TMEM196: variants seen among roughly 807,000 people sequenced by gnomAD.
TMEM196 encodes the protein transmembrane protein 196.
A neutral mutation model predicts 20.0 loss-of-function variants in TMEM196; 17 were observed. That is an observed-to-expected ratio of 0.85 (90% confidence interval 0.58 to 1.27). TMEM196 has a LOEUF of 1.27. Ranked by LOEUF, TMEM196 falls within the 50% of genes most tolerant of loss-of-function variation. TMEM196 has a pLI of 0.00. For synonymous variants in TMEM196, 113 were observed against 88.9 expected, an observed-to-expected ratio of 1.27 and a Z score of -1.52; for missense variants, 267 against 223.0, an observed-to-expected ratio of 1.20 and a Z score of -1.26.
chr7:19,725,909 G>T, intron 2 of TMEM196, 141 bp from the exon 3 acceptor site: 1 of 1,009,226 alleles, frequency 9.9e-7, no homozygotes. Context: ...CAGAGGACAG[G>T]AGATTTTTTT....
chr7:19,748,263 CAA>C (rs57276805), intron 1 of TMEM196, among the ~76,000 whole-genome samples: 794 of 20,372 alleles, frequency 0.039, 1 homozygote, highest in South Asian at 0.075. Flanking sequence ...TGTGGCTGTC[CAA>C]AAAAAAAAAA....
intron 1 of TMEM196, among the ~76,000 whole-genome samples, chr7:19,750,398 GA>G (rs1186457934): frequency 1.3e-5 from 2 of 151,902 alleles, no homozygotes; most frequent in Non-Finnish European, 2.9e-5. Context: ...GAATAAATTG[GA>G]AGACCTTTTT....
chr7:19,743,019 A>G (rs1345347392), intron 1 of TMEM196, among the ~76,000 whole-genome samples: 1 of 152,114 alleles, frequency 6.6e-6, no homozygotes, highest in Non-Finnish European at 1.5e-5. Flanking sequence ...TCCATTAGCT[A>G]TGGGGAGAGG....
chr7:19,722,315 C>A (rs1783841210), intron 4 of TMEM196, among the ~76,000 whole-genome samples, 181 bp from the exon 5 acceptor site: 1 of 152,088 alleles, frequency 6.6e-6, no homozygotes. Context: ...GGAGCACATG[C>A]AAATGCCAAA....
chr7:19,762,633 C>T (rs185852567), intron 1 of TMEM196, among the ~76,000 whole-genome samples: 76 of 152,102 alleles, frequency 5.0e-4, no homozygotes, highest in African/African-American at 1.8e-3. Context: ...TTGGCTATAG[C>T]TTAGGACAAC....
At chr7:19,749,706 C>T (rs1049870437) in intron 1 of TMEM196, among the ~76,000 whole-genome samples, 1 of 152,158 alleles carries the variant, frequency 6.6e-6, no homozygotes, top group East Asian at 1.9e-4. Context: ...ACAACTTCTC[C>T]AGATTTTTCT....
At chr7:19,768,350 A>G (rs1416875120) in intron 1 of TMEM196, among the ~76,000 whole-genome samples, 2 of 152,112 alleles carry the variant, frequency 1.3e-5, no homozygotes, top group African/African-American at 4.8e-5. Flanking sequence ...ACAACTTAGC[A>G]TCATATTTTG....
rs553043578 is a variant in TMEM196, at chr7:19,724,733, T to C, written c.460-380A>G. Reference sequence around the variant, plus strand: ...TCACTTCTCCTCTGTGCTTATGCAATTTTATTTCCATGATATGAAGCAAAA... The same window carrying C: ...TCACTTCTCCTCTGTGCTTATGCAACTTTATTTCCATGATATGAAGCAAAA... On this transcript the variant is annotated intron_variant, in intron 3 of 4. Coordinates refer to ENST00000405844, the MANE Select transcript of TMEM196 (RefSeq NM_001363562.2). Among the ~76,000 whole-genome samples the C allele has an allele frequency of 1.9e-4, 28 of 145,644 alleles. 1 individual carries two copies. The highest frequency in any genetic ancestry group is 1.8e-3 in the Admixed American group (26 of 14,634).
chr7:19,741,261 C>G (rs975737221), intron 1 of TMEM196, among the ~76,000 whole-genome samples: 3 of 152,132 alleles, frequency 2.0e-5, no homozygotes, highest in African/African-American at 7.2e-5. Context: ...AGTGACAGAT[C>G]ATCTACTTGT....
rs1783780100 is a variant in TMEM196, at chr7:19,720,522, A to G, written c.*1606T>C. 1 of 152,018 alleles carries G rather than the reference A, an allele frequency of 6.6e-6. No individual in the cohort carries two copies. Among genetic ancestry groups the G allele is most frequent in the South Asian group, 2.1e-4 (1 of 4,832 alleles). The allele number at this position is 152,018 out of a possible 1,614,324, so 9.4% of individuals were successfully genotyped here. On this transcript the variant is annotated 3_prime_UTR_variant, in exon 5 of 5. Coordinates refer to ENST00000405844, the MANE Select transcript of TMEM196 (RefSeq NM_001363562.2). The stretch of plus-strand genomic sequence containing the variant: ...ACTTGAAAATTGATTAGATTTGAGG[A>G]AAAAGAAAAGTATACAATATAGTGA...
At chr7:19,753,999 C>G (rs541133013) in intron 1 of TMEM196, among the ~76,000 whole-genome samples, 1 of 152,300 alleles carries the variant, frequency 6.6e-6, no homozygotes, top group African/African-American at 2.4e-5. Flanking sequence ...ACAGGATTTG[C>G]ATACACTTTA....
rs542281175 is a variant in TMEM196 at position 19,721,846 on chromosome 7, A to G, written c.*282T>C. The G allele has an allele frequency of 3.1e-5, 14 of 451,626 alleles. No individual in the cohort carries two copies. The highest frequency in any genetic ancestry group is 2.1e-4 in the African/African-American group (10 of 48,096). The allele number at this position is 451,626 out of a possible 1,614,324, so 28.0% of individuals were successfully genotyped here. Reference sequence around the variant, plus strand: ...TTCCTGAAAAGTCTTCTTTAGAACAATCTGGAAAGCCTCTTGAAATTATTG... The same window carrying G: ...TTCCTGAAAAGTCTTCTTTAGAACAGTCTGGAAAGCCTCTTGAAATTATTG... On this transcript the variant is annotated 3_prime_UTR_variant, in exon 5 of 5. Transcript: ENST00000405844.
At chr7:19,756,911 T>G (rs1260272566) in intron 1 of TMEM196, among the ~76,000 whole-genome samples, 1 of 152,148 alleles carries the variant, frequency 6.6e-6, no homozygotes, top group East Asian at 1.9e-4. Context: ...ACATCTTAAT[T>G]CACACTAGCC....
intron 1 of TMEM196, among the ~76,000 whole-genome samples, chr7:19,739,165 T>C (rs537725230): frequency 6.6e-6 from 1 of 152,118 alleles, no homozygotes; most frequent in South Asian, 2.1e-4. Context: ...AGTATGAAAA[T>C]TGCAAAGGTG....
At chr7:19,745,794 A>G (rs1784731617) in intron 1 of TMEM196, among the ~76,000 whole-genome samples, 1 of 150,122 alleles carries the variant, frequency 6.7e-6, no homozygotes, top group South Asian at 2.2e-4. Flanking sequence ...CTTAGGAGAC[A>G]AAGGCCACTT....
chr7:19,738,387 TTATA>T (rs1301932324), intron 1 of TMEM196, among the ~76,000 whole-genome samples: 1 of 152,078 alleles, frequency 6.6e-6, no homozygotes, highest in East Asian at 1.9e-4. Context: ...ATATAACTAT[TTATA>T]TAGATGTCTA....
At position 19,748,263 on chromosome 7, in the gene TMEM196, C is replaced by CAAAAAAA. The variant is rs57276805; in HGVS notation, c.148-18832_148-18826dup. ...TTCAGAGATGTTCACTGTGGCTGTC[C>CAAAAAAA]AAAAAAAAAAAAAAAAAAAAAAAAA... On this transcript the variant is annotated intron_variant, in intron 1 of 4. Transcript: ENST00000405844. Among the ~76,000 whole-genome samples, 54 of 20,780 alleles carry CAAAAAAA rather than the reference C, an allele frequency of 2.6e-3. 12 individuals carry two copies. Among genetic ancestry groups the CAAAAAAA allele is most frequent in the African/African-American group, 3.8e-3 (22 of 5,844 alleles). The allele number at this position is 20,780 out of a possible 152,430, so 13.6% of individuals were successfully genotyped here. A position where few individuals can be genotyped will look rare whatever the true frequency, so the allele number is the denominator to read the frequency against.
rs1330668652 is a variant in TMEM196 at position 19,748,029 on chromosome 7, T to C, written c.148-18591A>G. Among the ~76,000 whole-genome samples, 3 of 152,090 alleles carry C rather than the reference T, an allele frequency of 2.0e-5. No individual in the cohort carries two copies. The East Asian group carries it at 5.8e-4, about 29-fold the overall frequency. ...GTGATTTGTAAAAAGGATTACTTCC[T>C]TCAATTAATTAATTTTTCCATGTAA... On this transcript the variant is annotated intron_variant, in intron 1 of 4. Transcript: ENST00000405844.
At chr7:19,723,937 C>G (rs1031836667) in intron 4 of TMEM196, among the ~76,000 whole-genome samples, 4 of 151,784 alleles carry the variant, frequency 2.6e-5, no homozygotes, top group Non-Finnish European at 5.9e-5. Flanking sequence ...CCAGACATAT[C>G]TATTATTAAA....
Sources: allele counts gnomAD v4.1 joint callset (sites outside exome capture counted in the v4.1 genomes callset), GRCh38; gene constraint gnomAD v4.1.1; transcripts MANE v1.5; gene names NCBI Gene and HGNC (gene_info 2026-07-23, HGNC 2026-07-21).